Variants in FSTL5 observed in about 807,000 individuals in gnomAD.
FSTL5 encodes follistatin-related protein 5.
FSTL5 carries 62 observed loss-of-function variants against 89.1 expected under a neutral mutation model. That is an observed-to-expected ratio of 0.70 (90% CI 0.57 to 0.86). The LOEUF (loss-of-function observed/expected upper bound fraction) is 0.86. Among genes scored for constraint, FSTL5 ranks in the 40% least tolerant of loss-of-function variants. The pLI, the probability that FSTL5 is intolerant of heterozygous loss-of-function variation, is 0.00. For missense variants in FSTL5, 1,057 were observed against 1,001.6 expected (o/e 1.06, Z -0.75); for synonymous variants, 383 against 346.2 (o/e 1.11, Z -1.18).
intron 3 of FSTL5, among the ~76,000 whole-genome samples, chr4:161,998,763 T>C (rs1736375237): frequency 6.6e-6 from 1 of 152,126 alleles, no homozygotes; most frequent in South Asian, 2.1e-4. Context: ...AGTTAGGTCA[T>C]TGATGTCTCC....
chr4:161,654,962 T>G (rs1463949023), intron 7 of FSTL5, among the ~76,000 whole-genome samples: 1 of 152,160 alleles, frequency 6.6e-6, no homozygotes, highest in Non-Finnish European at 1.5e-5. Context: ...GGTTGCACTT[T>G]TGAAGCTGTA....
chr4:162,139,656 C>G (rs888549179), intron 1 of FSTL5, among the ~76,000 whole-genome samples: 1 of 152,058 alleles, frequency 6.6e-6, no homozygotes, highest in Non-Finnish European at 1.5e-5. Context: ...CTCTCTGACA[C>G]AAGGTATAAA....
At chr4:161,588,281 C>T (rs759138236) in intron 7 of FSTL5, among the ~76,000 whole-genome samples, 9 of 152,028 alleles carry the variant, frequency 5.9e-5, no homozygotes, top group African/African-American at 2.2e-4. Context: ...CTGCATTCTT[C>T]ACATTGGTAG....
intron 13 of FSTL5, among the ~76,000 whole-genome samples, chr4:161,468,936 A>T (rs1340878780): frequency 6.6e-6 from 1 of 152,152 alleles, no homozygotes; most frequent in Non-Finnish European, 1.5e-5. Flanking sequence ...GATAAATTTG[A>T]CATGAAATTT....
At chr4:162,089,656 A>AAAAAAAAAAAAAAAAAAG (rs1561012753) in intron 2 of FSTL5, among the ~76,000 whole-genome samples, 1 of 136,422 alleles carries the variant, frequency 7.3e-6, no homozygotes. Flanking sequence ...AAAAAGAAAA[A>AAAAAAAAAAAAAAAAAAG]AAAGAAAGAA....
At chr4:161,563,149 T>C (rs1247902758) in intron 8 of FSTL5, among the ~76,000 whole-genome samples, 1 of 151,934 alleles carries the variant, frequency 6.6e-6, no homozygotes. Context: ...TCACCCTAAC[T>C]GGAAACATAT....
intron 15 of FSTL5, among the ~76,000 whole-genome samples, chr4:161,443,082 A>G (rs146956873): frequency 6.6e-6 from 1 of 152,108 alleles, no homozygotes; most frequent in African/African-American, 2.4e-5. Flanking sequence ...ATAGCTATTC[A>G]GCTCTAGATT....
chr4:161,445,440 A>T (rs1301701789), intron 15 of FSTL5, among the ~76,000 whole-genome samples: 1 of 151,924 alleles, frequency 6.6e-6, no homozygotes. Flanking sequence ...TTAATCTTTT[A>T]CTTGCATATA....
At position 161,677,077 on chromosome 4, in the gene FSTL5, A is replaced by G. The variant is rs1737331407; in HGVS notation, c.728-20583T>C. 2.0e-5 allele frequency among the ~76,000 whole-genome samples: 3 copies of G among 152,164 alleles called. No homozygotes were observed. In the South Asian group the frequency reaches 6.2e-4, roughly 32 times the overall value. On this transcript the variant is annotated intron_variant, in intron 6 of 15. Coordinates refer to ENST00000306100, the MANE Select transcript of FSTL5 (RefSeq NM_020116.5). ...TGCAATGCAATTTTATAAATATTAA[A>G]ACATCTCTTAAATTAAATGATTGAC... is the stretch of plus-strand genomic sequence containing the variant.
chr4:161,753,548 A>G (rs1042529022), intron 6 of FSTL5, among the ~76,000 whole-genome samples: 2 of 152,124 alleles, frequency 1.3e-5, no homozygotes, highest in Non-Finnish European at 2.9e-5. Context: ...AATTTTGTTC[A>G]CTAAACTCTG....
intron 1 of FSTL5, among the ~76,000 whole-genome samples, chr4:162,134,894 G>A (rs899478315): frequency 6.6e-6 from 1 of 152,152 alleles, no homozygotes; most frequent in Non-Finnish European, 1.5e-5. Context: ...TGTTATTACC[G>A]TTTCCTCAAT....
chr4:161,516,245 T>C (rs1465047634), intron 10 of FSTL5, among the ~76,000 whole-genome samples: 2 of 149,166 alleles, frequency 1.3e-5, no homozygotes, highest in Non-Finnish European at 3.0e-5. Context: ...TTGTAATATA[T>C]ATATTTTACA....
intron 4 of FSTL5, among the ~76,000 whole-genome samples, chr4:161,789,722 T>C (rs1157715199): frequency 1.3e-5 from 2 of 152,180 alleles, no homozygotes; most frequent in Non-Finnish European, 2.9e-5. Flanking sequence ...TCTTTACCAC[T>C]CTAAATACAT....
intron 7 of FSTL5, among the ~76,000 whole-genome samples, chr4:161,615,135 AT>A (rs1347025198): frequency 6.6e-6 from 1 of 151,882 alleles, no homozygotes; most frequent in African/African-American, 2.4e-5. Flanking sequence ...TCTACTAAAA[AT>A]ACAAAAAATT....
intron 15 of FSTL5, among the ~76,000 whole-genome samples, chr4:161,413,083 C>A (rs910157666): frequency 1.3e-5 from 2 of 151,898 alleles, no homozygotes; most frequent in Non-Finnish European, 2.9e-5. Context: ...AGCTAAAGAG[C>A]TTCTGCACAG....
At chr4:161,846,759 G>A (rs1202239843) in intron 4 of FSTL5, among the ~76,000 whole-genome samples, 8 of 152,058 alleles carry the variant, frequency 5.3e-5, no homozygotes, top group Non-Finnish European at 1.2e-4. Context: ...TTGAATGGAG[G>A]ATTAGAACCA....
intron 15 of FSTL5, among the ~76,000 whole-genome samples, chr4:161,446,127 T>G (rs1433094277): frequency 6.6e-6 from 1 of 151,978 alleles, no homozygotes; most frequent in Non-Finnish European, 1.5e-5. Context: ...AATGAATATT[T>G]TTTACAGCCT....
At chr4:161,833,748 A>C (rs1444641148) in intron 4 of FSTL5, among the ~76,000 whole-genome samples, 1 of 151,608 alleles carries the variant, frequency 6.6e-6, no homozygotes, top group Non-Finnish European at 1.5e-5. Flanking sequence ...ATCTTCCTCC[A>C]TCCTTTTATT....
chr4:161,804,332 G>A (rs1349553994), intron 4 of FSTL5, among the ~76,000 whole-genome samples: 1 of 151,954 alleles, frequency 6.6e-6, no homozygotes, highest in Non-Finnish European at 1.5e-5. Flanking sequence ...TTGTGATAAG[G>A]ACATCTTTGG....
Sources: gnomAD v4.1 joint callset for allele counts (sites outside exome capture counted in the v4.1 genomes callset) on GRCh38, gnomAD v4.1.1 for gene constraint, MANE v1.5 for transcripts, NCBI Gene and HGNC (gene_info 2026-07-23, HGNC 2026-07-21) for gene names.